ZNF813: variants seen among roughly 807,000 people sequenced by gnomAD.
ZNF813 encodes the protein zinc finger protein 813.
A neutral mutation model predicts 7.2 loss-of-function variants in ZNF813; 3 were observed. That is an observed-to-expected ratio of 0.42 (90% confidence interval 0.19 to 1.08). ZNF813 has a LOEUF of 1.08. ZNF813 is among the 50% of genes least tolerant of loss of function. The pLI is 0.30. For missense variants in ZNF813, 714 were observed against 753.3 expected (o/e 0.95, Z 0.61); for synonymous variants, 227 against 256.3 (o/e 0.89, Z 1.09).
In ZNF813 at chr19:53,494,684, A is replaced by G. The variant is rs1357159748; in HGVS notation, c.*2598A>G. 4 of 152,126 alleles carry G rather than the reference A, an allele frequency of 2.6e-5. No homozygotes were observed. The highest frequency in any genetic ancestry group is 7.2e-5 in the African/African-American group (3 of 41,422). 9.4% of individuals were successfully genotyped at this position (152,126 alleles called of 1,614,324 possible). ...AAAAGAAAAGAAAAGAGACTCTATC[A>G]AAGCAATATAAATCCTGCTAAAATT... On this transcript the variant is annotated 3_prime_UTR_variant, in exon 4 of 4. Coordinates refer to ENST00000396403, the MANE Select transcript of ZNF813 (RefSeq NM_001004301.4).
In ZNF813 at chr19:53,493,709, T is replaced by C. The variant is rs1264397682; in HGVS notation, c.*1623T>C. The stretch of plus-strand genomic sequence containing the variant: ...TATTTTGGTTGAGTCTTTGTGATTT[T>C]CTACACAGAAGATCATGTCATCTAC... On this transcript the variant is annotated 3_prime_UTR_variant, in exon 4 of 4. Coordinates refer to ENST00000396403, the MANE Select transcript of ZNF813 (RefSeq NM_001004301.4). 1 of 152,240 alleles carries C rather than the reference T, an allele frequency of 6.6e-6. No individual in the cohort carries two copies. Among genetic ancestry groups the C allele is most frequent in the East Asian group, 1.9e-4 (1 of 5,202 alleles). 9.4% of individuals were successfully genotyped at this position (152,240 alleles called of 1,614,324 possible). A position where few individuals can be genotyped will look rare whatever the true frequency, so the allele number is the denominator to read the frequency against.
chr19:53,484,477 T>A (rs2086423507), intron 2 of ZNF813, among the ~76,000 whole-genome samples: 1 of 152,202 alleles, frequency 6.6e-6, no homozygotes, highest in African/African-American at 2.4e-5. Flanking sequence ...TCATGGAGAC[T>A]GTGGGGTTAC....
In ZNF813 at chr19:53,481,344, C is replaced by CT. The variant is rs66842546; in HGVS notation, c.-73-2387dup. 9.7e-3 allele frequency among the ~76,000 whole-genome samples: 1,037 copies of CT among 106,360 alleles called. 30 individuals are homozygous for CT. The highest frequency in any genetic ancestry group is 0.038 in the Middle Eastern group (8 of 210). 69.8% of individuals were successfully genotyped at this position (106,360 alleles called of 152,430 possible). A position where few individuals can be genotyped will look rare whatever the true frequency, so the allele number is the denominator to read the frequency against. ...GCTATTCTAAAAGCACCCATGTATT[C>CT]TTTTTTTTTTTTTTTTTTTGAGATG... is the stretch of plus-strand genomic sequence containing the variant. On this transcript the variant is annotated intron_variant, in intron 1 of 3. Transcript: ENST00000396403.
Position 53,492,892 on chromosome 19 carries a change from C to T in ZNF813, c.*806C>T, listed in dbSNP as rs1257333917. On this transcript the variant is annotated 3_prime_UTR_variant, in exon 4 of 4. Transcript: ENST00000396403. Reference sequence around the variant, plus strand: ...GAAACCTCACGTGTGATGATTGTGGCAAAGCCTTTACTTCACGTTCACACC... The same window carrying T: ...GAAACCTCACGTGTGATGATTGTGGTAAAGCCTTTACTTCACGTTCACACC... The T allele has an allele frequency of 1.9e-5, 9 of 486,260 alleles. No homozygotes were observed. Among genetic ancestry groups the T allele is most frequent in the Non-Finnish European group, 3.8e-5 (9 of 237,358 alleles). The allele number at this position is 486,260 out of a possible 1,614,324, so 30.1% of individuals were successfully genotyped here.
intron 3 of ZNF813, among the ~76,000 whole-genome samples, chr19:53,489,421 G>A (rs1239282847): frequency 6.6e-6 from 1 of 151,950 alleles, no homozygotes; most frequent in Non-Finnish European, 1.5e-5. Flanking sequence ...GGCCAACATG[G>A]TGAAACCCTC....
chr19:53,492,987 G>A lies in ZNF813; in HGVS notation c.*901G>A, dbSNP rs1436557309. Reference sequence around the variant, plus strand: ...TGTCATCAGTGTGGCAAGGTTTTCAGTCTGACTTCACTCCTTGCAGAATAT... The same window carrying A: ...TGTCATCAGTGTGGCAAGGTTTTCAATCTGACTTCACTCCTTGCAGAATAT... On this transcript the variant is annotated 3_prime_UTR_variant, in exon 4 of 4. Transcript: ENST00000396403. 2.2e-5 allele frequency: 10 copies of A among 455,048 alleles called. No homozygotes were observed. The Admixed American group carries it at 2.2e-4, about 10-fold the overall frequency. 28.2% of individuals were successfully genotyped at this position (455,048 alleles called of 1,614,324 possible). A position where few individuals can be genotyped will look rare whatever the true frequency, so the allele number is the denominator to read the frequency against.
intron 1 of ZNF813, among the ~76,000 whole-genome samples, chr19:53,468,704 C>A (rs984794100): frequency 2.6e-5 from 4 of 152,200 alleles, no homozygotes; most frequent in Non-Finnish European, 4.4e-5. Flanking sequence ...AGCAAAGAGT[C>A]ACAGAGCAGT....
rs1400792897 is a variant in ZNF813 at position 53,482,718 on chromosome 19, T to G, written c.-73-1032T>G. Among the ~76,000 whole-genome samples, 10 of 129,310 alleles carry G rather than the reference T, an allele frequency of 7.7e-5. No individual in the cohort carries two copies. In the East Asian group the frequency reaches 1.1e-3, roughly 14 times the overall value. 84.8% of individuals were successfully genotyped at this position (129,310 alleles called of 152,430 possible). ...CACATCAGGAATGCTTTTTGTTTTT[T>G]TTTTTTTTTTTTTTTTTTTTTGAGA... On this transcript the variant is annotated intron_variant, in intron 1 of 3. Transcript: ENST00000396403.
At position 53,479,348 on chromosome 19, in the gene ZNF813, C is replaced by G. The variant is rs1174554179; in HGVS notation, c.-73-4402C>G. 6.3e-6 allele frequency: 10 copies of G among 1,590,248 alleles called. No individual in the cohort carries two copies. In the African/African-American group the frequency reaches 6.7e-5, roughly 11 times the overall value. On this transcript the variant is annotated intron_variant, in intron 1 of 3. Transcript: ENST00000396403. ...AGTGTGAGCAGTAGCTGGGTGGGCA[C>G]CATGGCTGGGATCACCACCATCGAG...
At chr19:53,486,486 A>C in intron 2 of ZNF813, 146 bp from the exon 3 acceptor site, 11 of 1,536,662 alleles carry the variant, frequency 7.2e-6, no homozygotes, top group Non-Finnish European at 8.8e-6. Flanking sequence ...CTGGGAAGAC[A>C]AAATGTGGTG....
chr19:53,491,181 CAT>C lies in ZNF813; in HGVS notation c.951_952del (p.His317GlnfsTer13). 4 of 1,613,768 alleles carry C rather than the reference CAT, an allele frequency of 2.5e-6. No individual in the cohort carries two copies. The highest frequency in any genetic ancestry group is 3.4e-6 in the Non-Finnish European group (4 of 1,179,772). On this transcript the variant is annotated frameshift_variant, in exon 4 of 4. Coordinates refer to ENST00000396403, the MANE Select transcript of ZNF813 (RefSeq NM_001004301.4). LOFTEE classifies it low-confidence loss of function (END_TRUNC). ...AFSFKSNLKR[H>X]RRIHAGEKPY... ...CAGTTTCAAATCAAACCTTAAAAGA[CAT>C]AGGAGAATTCATGCTGGAGAAAAAC...
rs1331104223 is a variant in ZNF813, at chr19:53,493,358, CTG to C, written c.*1274_*1275del. The C allele has an allele frequency of 6.5e-6, 1 of 153,530 alleles. No individual in the cohort carries two copies. The highest frequency in any genetic ancestry group is 2.4e-5 in the African/African-American group (1 of 41,414). The allele number at this position is 153,530 out of a possible 1,614,324, so 9.5% of individuals were successfully genotyped here. A position where few individuals can be genotyped will look rare whatever the true frequency, so the allele number is the denominator to read the frequency against. ...CAATCCATCAATATGGGTTATATGT[CTG>C]TATATGTTTTTAATCATATTGATGT... On this transcript the variant is annotated 3_prime_UTR_variant, in exon 4 of 4. Transcript: ENST00000396403.
In ZNF813 at chr19:53,491,017, G is replaced by C; in HGVS notation, c.785G>C (p.Arg262Pro). Reference sequence around the variant, plus strand: ...CGGAAGCGAAACCTAGTGTGCCATCGTAGATGTCACACTGGGGAGAAACCT... The same window carrying C: ...CGGAAGCGAAACCTAGTGTGCCATCCTAGATGTCACACTGGGGAGAAACCT... The part of the protein sequence containing the change: ...FNRKRNLVCH[R>P]RCHTGEKPYR... Residue 262 changes from arginine (R) to proline (P), a missense_variant, in exon 4 of 4, where the codon CGT becomes CCT. Arg to Pro is a moderately radical substitution (Grantham distance 103). Transcript: ENST00000396403. The C allele has an allele frequency of 6.2e-7, 1 of 1,614,160 alleles. No homozygotes were observed. The highest frequency in any genetic ancestry group is 8.5e-7 in the Non-Finnish European group (1 of 1,180,026).
chr19:53,475,876 A>G (rs558523986), intron 1 of ZNF813, among the ~76,000 whole-genome samples: 3 of 152,316 alleles, frequency 2.0e-5, no homozygotes, highest in African/African-American at 4.8e-5. Flanking sequence ...CTGGGACCTG[A>G]GTTAAAGCTT....
At chr19:53,472,611 C>CTT (rs1166123869) in intron 1 of ZNF813, among the ~76,000 whole-genome samples, 6 of 128,400 alleles carry the variant, frequency 4.7e-5, no homozygotes, top group Non-Finnish European at 9.7e-5. Context: ...ACAAGTCTTT[C>CTT]TTTTTTTTTT....
chr19:53,483,790 T>C lies in ZNF813; in HGVS notation c.-33T>C, dbSNP rs2086420464. The C allele has an allele frequency of 1.2e-6, 2 of 1,612,878 alleles. No homozygotes were observed. The highest frequency in any genetic ancestry group is 2.2e-5 in the East Asian group (1 of 44,874). ...ACTCTTGGTATGTGAGGAAGAAACCTGGAAGAGGAAGAGGAAAGCAAAGGA... is the reference window on the plus strand; with the variant it reads ...ACTCTTGGTATGTGAGGAAGAAACCCGGAAGAGGAAGAGGAAAGCAAAGGA... On this transcript the variant is annotated 5_prime_UTR_variant, in exon 2 of 4. Coordinates refer to ENST00000396403, the MANE Select transcript of ZNF813 (RefSeq NM_001004301.4).
intron 1 of ZNF813, among the ~76,000 whole-genome samples, chr19:53,475,883 G>A (rs1039774808): frequency 5.3e-5 from 8 of 152,196 alleles, no homozygotes; most frequent in African/African-American, 1.9e-4. Flanking sequence ...CTGAGTTAAA[G>A]CTTCCTTGAC....
intron 1 of ZNF813, among the ~76,000 whole-genome samples, chr19:53,470,320 A>T (rs974243548): frequency 6.6e-6 from 1 of 152,146 alleles, no homozygotes; most frequent in Non-Finnish European, 1.5e-5. Context: ...TCTCTTTTTA[A>T]CCCTTGCCTT....
At position 53,490,986 on chromosome 19, in the gene ZNF813, TTTAATCGGAAGC is replaced by T. The variant is rs773776843; in HGVS notation, c.755_766del (p.Phe252_Arg256delinsTer). ...TAAATGTGATGTATGTGGCAAGGTCTTTAATCGGAAGCGAAACCTAGTGTGCCATCGTAGATG... is the reference window on the plus strand; with the variant it reads ...TAAATGTGATGTATGTGGCAAGGTCTGAAACCTAGTGTGCCATCGTAGATG... On this transcript the variant is annotated stop_gained and inframe_deletion, in exon 4 of 4. Coordinates refer to ENST00000396403, the MANE Select transcript of ZNF813 (RefSeq NM_001004301.4). LOFTEE classifies it low-confidence loss of function (END_TRUNC). 1 of 1,614,202 alleles carries T rather than the reference TTTAATCGGAAGC, an allele frequency of 6.2e-7. No homozygotes were observed. Among genetic ancestry groups the T allele is most frequent in the Admixed American group, 1.7e-5 (1 of 60,022 alleles).
Sources: allele counts gnomAD v4.1 joint callset (sites outside exome capture counted in the v4.1 genomes callset), GRCh38; gene constraint gnomAD v4.1.1; transcripts MANE v1.5; gene names NCBI Gene and HGNC (gene_info 2026-07-23, HGNC 2026-07-21).